Variants in CHSY3 observed in about 807,000 individuals in gnomAD.
The protein encoded by CHSY3 is chondroitin sulfate synthase 3, also known as N-acetylgalactosaminyl-proteoglycan 3-beta-glucuronosyltransferase 3.
CHSY3 carries 35 observed loss-of-function variants against 67.2 expected under a neutral mutation model. That is an observed-to-expected ratio of 0.52 (90% CI 0.40 to 0.69). CHSY3 has a LOEUF of 0.69. Ranked by LOEUF, CHSY3 falls within the 30% of genes least tolerant of loss-of-function variation. The pLI is 0.00. For synonymous variants in CHSY3, 474 were observed against 434.7 expected, an observed-to-expected ratio of 1.09 and a Z score of -1.12; for missense variants, 1,069 against 1,138.5, an observed-to-expected ratio of 0.94 and a Z score of 0.88.
chr5:129,925,592 C>G (rs1761077535), intron 2 of CHSY3, among the ~76,000 whole-genome samples: 1 of 152,000 alleles, frequency 6.6e-6, no homozygotes, highest in Non-Finnish European at 1.5e-5. Flanking sequence ...TTAAAATCTA[C>G]TATTTTAGTT....
chr5:130,160,008 C>CA, intron 2 of CHSY3, among the ~76,000 whole-genome samples: 1 of 151,970 alleles, frequency 6.6e-6, no homozygotes, highest in South Asian at 2.1e-4. Context: ...ACCCAGGTTA[C>CA]AGAAAAAGAA....
Position 130,186,092 on chromosome 5 carries a change from C to A in CHSY3, c.*301C>A, listed in dbSNP as rs1770410348. 1 of 165,172 alleles carries A rather than the reference C, an allele frequency of 6.1e-6. No homozygotes were observed. The highest frequency in any genetic ancestry group is 1.3e-5 in the Non-Finnish European group (1 of 76,638). The allele number at this position is 165,172 out of a possible 1,614,324, so 10.2% of individuals were successfully genotyped here. On this transcript the variant is annotated 3_prime_UTR_variant, in exon 3 of 3. Transcript: ENST00000305031. ...CAAATGACTTTTGAAACGCATTCATCACAAGAGACAGCTTAGAAGAATGTT... is the reference window on the plus strand; with the variant it reads ...CAAATGACTTTTGAAACGCATTCATAACAAGAGACAGCTTAGAAGAATGTT...
At chr5:130,081,392 C>G (rs976202484) in intron 2 of CHSY3, among the ~76,000 whole-genome samples, 2 of 151,884 alleles carry the variant, frequency 1.3e-5, no homozygotes, top group Non-Finnish European at 2.9e-5. Flanking sequence ...GAGGCTTCTT[C>G]TTCAGGTCAG....
At position 130,185,457 on chromosome 5, in the gene CHSY3, C is replaced by T. The variant is rs1470898764; in HGVS notation, c.2315C>T (p.Thr772Ile). ...TDDYFIFSKK[T>I]GFWRDYGYGI... The stretch of plus-strand genomic sequence containing the variant: ...GATTACTTCATATTCTCAAAAAAGA[C>T]TGGATTTTGGAGAGACTATGGATAT... Residue 772 changes from threonine (T) to isoleucine (I), a missense_variant, in exon 3 of 3, where the codon ACT (threonine) becomes ATT (isoleucine). Physicochemically the swap from Thr to Ile is moderately conservative, Grantham distance 89. Transcript: ENST00000305031. The T allele has an allele frequency of 1.2e-6, 2 of 1,613,876 alleles. No homozygotes were observed. Among genetic ancestry groups the T allele is most frequent in the African/African-American group, 1.3e-5 (1 of 74,908 alleles).
intron 2 of CHSY3, among the ~76,000 whole-genome samples, chr5:130,082,874 A>T (rs1346534124): frequency 6.6e-6 from 1 of 151,656 alleles, no homozygotes; most frequent in Non-Finnish European, 1.5e-5. Flanking sequence ...ATATACATAT[A>T]TATGTATATA....
intron 2 of CHSY3, among the ~76,000 whole-genome samples, chr5:130,176,788 CA>C (rs1329472108): frequency 6.6e-6 from 1 of 152,032 alleles, no homozygotes; most frequent in Non-Finnish European, 1.5e-5. Context: ...GGGAGTTGAA[CA>C]ATGAGAACAC....
In CHSY3 at chr5:129,919,614, C is replaced by G. The variant is rs562624967; in HGVS notation, c.1086+11254C>G. ...TGTAAAACCATCAGATCTTGTGAGA[C>G]TTATTCACTACCATGAGAACAGTAT... On this transcript the variant is annotated intron_variant, in intron 2 of 2. Transcript: ENST00000305031. Among the ~76,000 whole-genome samples the G allele has an allele frequency of 7.9e-5, 12 of 152,270 alleles. 1 individual carries two copies. Among genetic ancestry groups the G allele is most frequent in the African/African-American group, 2.9e-4 (12 of 41,550 alleles).
chr5:129,905,049 C>A lies in CHSY3; in HGVS notation c.220C>A (p.Gln74Lys). 1 of 1,549,568 alleles carries A rather than the reference C, an allele frequency of 6.5e-7. No individual in the cohort carries two copies. The highest frequency in any genetic ancestry group is 8.7e-7 in the Non-Finnish European group (1 of 1,154,024). The change falls in exon 1 of 3, where the codon CAG (glutamine) becomes AAG (lysine). Residue 74 changes from glutamine to lysine, a missense_variant. By Grantham distance (53) the Gln-to-Lys change is moderately conservative. This residue lies in a region of CHSY3 where 309 missense variants were observed against 262.5 expected (regional missense o/e 1.18). Transcript: ENST00000305031. ...PQPQSRPRQE[Q>K]SPPPARQDLQ... is the part of the protein sequence containing the mutation. ...GCCCCAGTCCCGACCACGGCAGGAG[C>A]AGTCGCCGCCCCCCGCGCGCCAGGA...
rs549910396 is a variant in CHSY3, at chr5:130,065,859, C to T, written c.1087-118370C>T. Reference sequence around the variant, plus strand: ...CTGAAATGTCTGGTTCACACAGTCTCCTCCCCTGTCGTATTGGTTCAGGGC... The same window carrying T: ...CTGAAATGTCTGGTTCACACAGTCTTCTCCCCTGTCGTATTGGTTCAGGGC... On this transcript the variant is annotated intron_variant, in intron 2 of 2. Transcript: ENST00000305031. Among the ~76,000 whole-genome samples, 7 of 152,194 alleles carry T rather than the reference C, an allele frequency of 4.6e-5. No individual in the cohort carries two copies. In the South Asian group the frequency reaches 1.2e-3, roughly 27 times the overall value.
intron 2 of CHSY3, among the ~76,000 whole-genome samples, chr5:130,080,037 T>TATACAC (rs1766396459): frequency 7.0e-6 from 1 of 143,322 alleles, no homozygotes; most frequent in African/African-American, 2.5e-5. Flanking sequence ...CACCTGAACA[T>TATACAC]ACACACACAC....
chr5:130,028,209 A>G (rs1002356935), intron 2 of CHSY3, among the ~76,000 whole-genome samples: 1 of 152,088 alleles, frequency 6.6e-6, no homozygotes, highest in Non-Finnish European at 1.5e-5. Flanking sequence ...CATTGCCAAG[A>G]CAATCCTAAG....
In CHSY3 at chr5:129,914,394, T is replaced by C. The variant is rs549675249; in HGVS notation, c.1086+6034T>C. On this transcript the variant is annotated intron_variant, in intron 2 of 2. Coordinates refer to ENST00000305031, the MANE Select transcript of CHSY3 (RefSeq NM_175856.5). ...TCCCAAAGTGCTGGGATTACAGGCGTAAGCCACCGCGCCCAGCCAAATTTC... is the reference window on the plus strand; with the variant it reads ...TCCCAAAGTGCTGGGATTACAGGCGCAAGCCACCGCGCCCAGCCAAATTTC... 1.5e-3 allele frequency among the ~76,000 whole-genome samples: 233 copies of C among 152,354 alleles called. 2 individuals are homozygous for C. The highest frequency in any genetic ancestry group is 5.4e-3 in the African/African-American group (226 of 41,590).
At chr5:130,110,902 A>G (rs1339558746) in intron 2 of CHSY3, among the ~76,000 whole-genome samples, 1 of 151,774 alleles carries the variant, frequency 6.6e-6, no homozygotes, top group East Asian at 1.9e-4. Context: ...TTAGGAATTG[A>G]ATTTTGGCTG....
intron 2 of CHSY3, among the ~76,000 whole-genome samples, chr5:130,116,593 C>T (rs901007815): frequency 7.9e-5 from 12 of 152,094 alleles, no homozygotes; most frequent in Non-Finnish European, 7.4e-5. Flanking sequence ...TGAATTATTC[C>T]ACCGTCGTGG....
intron 2 of CHSY3, 136 bp from the exon 3 acceptor site, chr5:130,184,093 A>G: frequency 1.4e-6 from 1 of 710,368 alleles, no homozygotes; most frequent in Non-Finnish European, 2.0e-6. Flanking sequence ...TATAAATATT[A>G]CAAACCATTT....
chr5:130,141,260 C>T (rs1184088443), intron 2 of CHSY3: 2 of 464,646 alleles, frequency 4.3e-6, no homozygotes, highest in Non-Finnish European at 8.4e-6. Context: ...TGACTGTCCT[C>T]ATTAAGCATA....
intron 2 of CHSY3, 64 bp from the exon 3 acceptor site, chr5:130,184,165 G>C: frequency 7.4e-7 from 1 of 1,344,716 alleles, no homozygotes; most frequent in Non-Finnish European, 9.6e-7. Flanking sequence ...TTAGTTTATC[G>C]CTGGTTTTCT....
In CHSY3 at chr5:129,917,923, AC is replaced by A. The variant is rs200667652; in HGVS notation, c.1086+9565del. Among the ~76,000 whole-genome samples the A allele has an allele frequency of 3.7e-3, 558 of 152,322 alleles. 7 individuals are homozygous for A. The highest frequency in any genetic ancestry group is 0.013 in the African/African-American group (533 of 41,564). ...ACCCTAATTTGGCTTCAGGGTTTCGACCACTGTGTAAATTTGTTTTTATCAA... is the reference window on the plus strand; with the variant it reads ...ACCCTAATTTGGCTTCAGGGTTTCGACACTGTGTAAATTTGTTTTTATCAA... On this transcript the variant is annotated intron_variant, in intron 2 of 2. Transcript: ENST00000305031.
intron 2 of CHSY3, among the ~76,000 whole-genome samples, chr5:130,178,327 C>T (rs1445242285): frequency 4.3e-4 from 61 of 143,272 alleles, no homozygotes; most frequent in Non-Finnish European, 8.0e-4. Flanking sequence ...AGGATCTCAG[C>T]TCACTGCAAG....
Sources: gnomAD v4.1 joint callset for allele counts (sites outside exome capture counted in the v4.1 genomes callset) on GRCh38, gnomAD v4.1.1 for gene constraint, gnomAD v4.1.1 regional missense constraint, MANE v1.5 for transcripts, NCBI Gene and HGNC (gene_info 2026-07-23, HGNC 2026-07-21) for gene names.